The following EWSR1 variants were observed in gnomAD, a reference collection of about 807,000 sequenced individuals.
The protein encoded by EWSR1 is EWS RNA binding protein 1, also known as RNA-binding protein EWS.
A neutral mutation model predicts 92.1 loss-of-function variants in EWSR1; 14 were observed. The ratio of observed to expected loss-of-function variants is 0.15; its 90% confidence interval spans 0.10 to 0.24. The LOEUF (loss-of-function observed/expected upper bound fraction) is 0.24. EWSR1 is among the 10% of genes least tolerant of loss of function. The pLI, the probability that EWSR1 is intolerant of heterozygous loss-of-function variation, is 1.00. For synonymous variants in EWSR1, 303 were observed against 292.9 expected, an observed-to-expected ratio of 1.03 and a Z score of -0.35; for missense variants, 637 against 870.9, an observed-to-expected ratio of 0.73 and a Z score of 3.38.
rs1042674005 is a variant in EWSR1, at chr22:29,284,817, G to GTGTTT, written c.582-2094_582-2090dup. ...CAGATGGGTTTTTTTGTTTTTGTGT[G>GTGTTT]TGTTTTGTTTTGTTTTTTTGAGACG... On this transcript the variant is annotated intron_variant, in intron 6 of 16. Transcript: ENST00000397938. Among the ~76,000 whole-genome samples, 52 of 151,262 alleles carry GTGTTT rather than the reference G, an allele frequency of 3.4e-4. 4 individuals are homozygous for GTGTTT. The highest frequency in any genetic ancestry group is 1.2e-3 in the African/African-American group (49 of 40,630).
chr22:29,274,557 C>A, intron 4 of EWSR1: 1 of 416,326 alleles, frequency 2.4e-6, no homozygotes. Context: ...GGTGATTTCT[C>A]CCCAGCTGAT....
chr22:29,290,886 T>C, intron 8 of EWSR1: 1 of 250,572 alleles, frequency 4.0e-6, no homozygotes, highest in Non-Finnish European at 7.6e-6. Flanking sequence ...CTCTCCCCTC[T>C]TTAAGTAATT....
Position 29,268,286 on chromosome 22 carries a change from G to A in EWSR1, c.-51G>A, listed in dbSNP as rs770561780. On this transcript the variant is annotated 5_prime_UTR_variant, in exon 1 of 17. Transcript: ENST00000397938. ...CGCCTGCGCAGTGCGGCGCCTAGAGGGAAAGCGAGAGGGAGACGGACGTTG... is the reference window on the plus strand; with the variant it reads ...CGCCTGCGCAGTGCGGCGCCTAGAGAGAAAGCGAGAGGGAGACGGACGTTG... 2.5e-6 allele frequency: 4 copies of A among 1,606,756 alleles called. No individual in the cohort carries two copies. Among genetic ancestry groups the A allele is most frequent in the South Asian group, 1.1e-5 (1 of 90,940 alleles).
At chr22:29,286,860 G>A in intron 6 of EWSR1, 63 bp from the exon 7 acceptor site, 1 of 1,277,076 alleles carries the variant, frequency 7.8e-7, no homozygotes, top group Non-Finnish European at 1.1e-6. Flanking sequence ...TTATTCAGGG[G>A]ATTTGAAATA....
chr22:29,293,519 T>C (rs942309246), intron 11 of EWSR1, among the ~76,000 whole-genome samples: 2 of 150,628 alleles, frequency 1.3e-5, no homozygotes, highest in South Asian at 2.1e-4. Flanking sequence ...TACTGAGTGA[T>C]CTTTTTTTCC....
chr22:29,299,538 G>A, intron 15 of EWSR1, 61 bp from the exon 16 acceptor site: 2 of 1,526,064 alleles, frequency 1.3e-6, no homozygotes, highest in East Asian at 4.6e-5. Flanking sequence ...AGCTTCCACA[G>A]TGTCCACAGG....
chr22:29,297,653 C>T (rs908719006), intron 12 of EWSR1, among the ~76,000 whole-genome samples, 174 bp from the exon 13 acceptor site: 1 of 152,094 alleles, frequency 6.6e-6, no homozygotes, highest in Non-Finnish European at 1.5e-5. Context: ...CCAGCCCGGG[C>T]AACAGAGTGA....
At chr22:29,273,963 C>A in intron 4 of EWSR1, 99 bp downstream of exon 4, 1 of 1,464,194 alleles carries the variant, frequency 6.8e-7, no homozygotes. Flanking sequence ...TGGTCCATAC[C>A]TTGGCATCTG....
chr22:29,280,828 T>A (rs1338656706), intron 5 of EWSR1, among the ~76,000 whole-genome samples: 1 of 145,304 alleles, frequency 6.9e-6, no homozygotes, highest in Non-Finnish European at 1.5e-5. Flanking sequence ...TGCCCGCCAC[T>A]CTGCCCAGCT....
Position 29,273,912 on chromosome 22 carries a change from T to C in EWSR1, c.226+48T>C, listed in dbSNP as rs143395389. ...TTTTGGGTCGTTCTGGCTAGGGCAT[T>C]GGCTAAGAAGCTTATTAGTCATGCT... On this transcript the variant is annotated intron_variant, in intron 4 of 16. Transcript: ENST00000397938. 4,417 of 1,608,288 alleles carry C rather than the reference T, an allele frequency of 2.7e-3. 14 individuals carry two copies. Among genetic ancestry groups the C allele is most frequent in the Non-Finnish European group, 3.3e-3 (3,837 of 1,177,806 alleles).
At chr22:29,292,388 T>C in intron 10 of EWSR1, 100 bp from the exon 11 acceptor site, 1 of 981,836 alleles carries the variant, frequency 1.0e-6, no homozygotes, top group South Asian at 1.5e-5. Flanking sequence ...GGTAGTTTTC[T>C]TAGATTTATG....
In EWSR1 at chr22:29,299,808, G is replaced by T; in HGVS notation, c.1888G>T (p.Gly630Ter). Residue 630 changes from glycine (G) to a stop codon, truncating the protein, a stop_gained, in exon 16 of 17, where the codon GGA becomes TGA. Transcript: ENST00000397938. LOFTEE classifies it high-confidence loss of function. ...GPPGPLMEQM[G>*]GRRGGRGGPG... ...CCCTGGACCTTTGATGGAACAGATG[G>T]GAGGAAGAAGAGGAGGACGTGGAGG... is the stretch of plus-strand genomic sequence containing the variant. 6.4e-7 allele frequency: 1 copy of T among 1,573,350 alleles called. No homozygotes were observed. The highest frequency in any genetic ancestry group is 8.6e-7 in the Non-Finnish European group (1 of 1,157,348).
chr22:29,285,975 C>G (rs1041595854), intron 6 of EWSR1, among the ~76,000 whole-genome samples: 1 of 151,840 alleles, frequency 6.6e-6, no homozygotes, highest in Non-Finnish European at 1.5e-5. Flanking sequence ...GTAGCTGGGA[C>G]TACAGGCGCC....
At chr22:29,268,641 G>A (rs2058344470) in intron 1 of EWSR1, among the ~76,000 whole-genome samples, 1 of 152,160 alleles carries the variant, frequency 6.6e-6, no homozygotes, top group Admixed American at 6.5e-5. Flanking sequence ...CTGAGCTCCG[G>A]GCCTCCCGCC....
At position 29,299,267 on chromosome 22, in the gene EWSR1, A is replaced by T; in HGVS notation, c.1614A>T (p.Thr538=). Residue 538 remains threonine, a synonymous_variant, in exon 15 of 17, where the codon ACA becomes ACT. Coordinates refer to ENST00000397938, the MANE Select transcript of EWSR1 (RefSeq NM_005243.4). The part of the protein sequence containing the change: ...GCGNQNFAWR[T]ECNQCKAPKP... ...GAAACCAGAACTTCGCCTGGAGAAC[A>T]GAGTGCAACCAGTGTAAGGCCCCAA... The T allele has an allele frequency of 6.2e-7, 1 of 1,614,076 alleles. No homozygotes were observed. Among genetic ancestry groups the T allele is most frequent in the Non-Finnish European group, 8.5e-7 (1 of 1,179,962 alleles).
chr22:29,298,717 G>C lies in EWSR1; in HGVS notation c.1418-16G>C, dbSNP rs41297249. ...ACAGAGAAATGATTTGCTGTTTCTTGTTGTTCTTGTTGTAGGTCCAGGAGG... is the reference window on the plus strand; with the variant it reads ...ACAGAGAAATGATTTGCTGTTTCTTCTTGTTCTTGTTGTAGGTCCAGGAGG... On this transcript the variant is annotated splice_polypyrimidine_tract_variant and intron_variant, in intron 13 of 16. Coordinates refer to ENST00000397938, the MANE Select transcript of EWSR1 (RefSeq NM_005243.4). 8.6e-4 allele frequency: 1,378 copies of C among 1,611,664 alleles called. 1 individual carries two copies. Among genetic ancestry groups the C allele is most frequent in the Admixed American group, 1.3e-3 (76 of 59,992 alleles).
rs890894254 is a variant in EWSR1 at position 29,269,370 on chromosome 22, G to C, written c.13+1021G>C. 3 of 152,234 alleles carry C rather than the reference G, an allele frequency of 2.0e-5. No individual in the cohort carries two copies. In the East Asian group the frequency reaches 5.8e-4, roughly 29 times the overall value. The allele number at this position is 152,234 out of a possible 1,614,324, so 9.4% of individuals were successfully genotyped here. ...GCACTTGCAAGCAAGCCCCGGTTGG[G>C]AACTCCAAAATGGGAGTAGAGTGGT... On this transcript the variant is annotated intron_variant, in intron 1 of 16. Coordinates refer to ENST00000397938, the MANE Select transcript of EWSR1 (RefSeq NM_005243.4).
chr22:29,275,582 CTG>C (rs766748485), intron 4 of EWSR1: 3 of 228,162 alleles, frequency 1.3e-5, no homozygotes, highest in Admixed American at 5.7e-5. Context: ...GATGAGCAAA[CTG>C]TGTGAACAAA....
At chr22:29,271,392 A>G (rs1448322676) in intron 1 of EWSR1, among the ~76,000 whole-genome samples, 1 of 152,200 alleles carries the variant, frequency 6.6e-6, no homozygotes, top group Non-Finnish European at 1.5e-5. Context: ...CTTTGGATGC[A>G]TGTTATAAAT....
Sources: gnomAD v4.1 joint callset for allele counts (sites outside exome capture counted in the v4.1 genomes callset) on GRCh38, gnomAD v4.1.1 for gene constraint, MANE v1.5 for transcripts, NCBI Gene and HGNC (gene_info 2026-07-23, HGNC 2026-07-21) for gene names.